RARB: variants seen among roughly 807,000 people sequenced by gnomAD.
RARB encodes the protein retinoic acid receptor beta.
In RARB, 17 loss-of-function variants were observed where a neutral mutation model predicts 51.9. The ratio of observed to expected loss-of-function variants is 0.33; its 90% CI spans 0.22 to 0.49. The LOEUF (loss-of-function observed/expected upper bound fraction) is 0.49, where lower values mean the gene tolerates loss of function less well. Among genes scored for constraint, RARB ranks in the 20% least tolerant of loss-of-function variants. The probability of loss-of-function intolerance (pLI) is 0.99; values close to 1 mark genes in which losing one functional copy is unlikely to be tolerated. For synonymous variants in RARB, 215 were observed against 195.4 expected (o/e 1.10, Z -0.84); for missense variants, 369 against 550.8 (o/e 0.67, Z 3.30).
intron 3 of RARB, among the ~76,000 whole-genome samples, chr3:25,073,022 T>A (rs1050535160): frequency 3.3e-5 from 5 of 152,100 alleles, no homozygotes; most frequent in Non-Finnish European, 7.4e-5. Context: ...TACACTGACC[T>A]TTTTTTCCTG....
chr3:25,091,663 G>A (rs368306535), intron 3 of RARB, among the ~76,000 whole-genome samples: 3 of 152,086 alleles, frequency 2.0e-5, no homozygotes, highest in African/African-American at 7.2e-5. Flanking sequence ...TGTGGAGTGG[G>A]CATTAAAAGG....
intron 2 of RARB, among the ~76,000 whole-genome samples, chr3:24,922,137 C>A (rs567340087): frequency 6.6e-6 from 1 of 152,192 alleles, no homozygotes; most frequent in Admixed American, 6.5e-5. Context: ...GAAAGCACTT[C>A]TAGTGTCAAG....
intron 5 of RARB, among the ~76,000 whole-genome samples, chr3:25,358,252 G>A (rs1705812982): frequency 6.6e-6 from 1 of 152,088 alleles, no homozygotes; most frequent in African/African-American, 2.4e-5. Context: ...ATTATGAATG[G>A]GACTTTGCTC....
chr3:25,204,154 T>A (rs532949967), intron 5 of RARB, among the ~76,000 whole-genome samples: 1 of 152,324 alleles, frequency 6.6e-6, no homozygotes, highest in African/African-American at 2.4e-5. Context: ...CTCTAACTTC[T>A]CTTCTTGCTT....
At chr3:24,898,350 A>T (rs1458610354) in intron 2 of RARB, among the ~76,000 whole-genome samples, 1 of 150,034 alleles carries the variant, frequency 6.7e-6, no homozygotes, top group African/African-American at 2.4e-5. Context: ...ATTATATAAT[A>T]AATAGGAATA....
chr3:24,861,451 T>G (rs13064710), intron 2 of RARB, among the ~76,000 whole-genome samples: 46,732 of 151,856 alleles, frequency 0.31, 9,144 homozygotes, highest in Admixed American at 0.41. Flanking sequence ...ACTTTCATAT[T>G]CCTAGAAAAA....
intron 5 of RARB, among the ~76,000 whole-genome samples, chr3:25,338,660 G>C (rs1303805061): frequency 6.6e-6 from 1 of 152,152 alleles, no homozygotes; most frequent in Non-Finnish European, 1.5e-5. Flanking sequence ...GTGGGTTTCT[G>C]GAAGACTCAG....
At chr3:24,935,940 G>A (rs1465409002) in intron 2 of RARB, among the ~76,000 whole-genome samples, 1 of 152,088 alleles carries the variant, frequency 6.6e-6, no homozygotes, top group African/African-American at 2.4e-5. Context: ...CACAGAGTAG[G>A]TAAATTTTGT....
intron 5 of RARB, among the ~76,000 whole-genome samples, chr3:25,388,780 A>G (rs1397993205): frequency 6.6e-6 from 1 of 152,188 alleles, no homozygotes; most frequent in African/African-American, 2.4e-5. Flanking sequence ...GGTGTTGTAA[A>G]TGTTCACAAG....
chr3:25,235,627 G>A (rs945127164), intron 5 of RARB, among the ~76,000 whole-genome samples: 1 of 152,140 alleles, frequency 6.6e-6, no homozygotes. Flanking sequence ...AAATAAGCAA[G>A]TCTGCTGTTT....
At chr3:25,198,031 G>A (rs1372391877) in intron 5 of RARB, among the ~76,000 whole-genome samples, 3 of 150,936 alleles carry the variant, frequency 2.0e-5, no homozygotes, top group Admixed American at 6.6e-5. Context: ...GACTTCAAAT[G>A]TACTACAGTA....
chr3:25,473,067 G>A (rs1050135893), intron 2 of RARB, among the ~76,000 whole-genome samples: 2 of 152,088 alleles, frequency 1.3e-5, no homozygotes, highest in African/African-American at 4.8e-5. Context: ...CCAGCACAAC[G>A]CAATGCTTAT....
rs60901434 is a variant in RARB at position 25,264,364 on chromosome 3, A to AT, written c.178+89798dup. ...ATAGACATGATGGGCAAGATCTACT[A>AT]TTTTTTTTTATATAAGGCAAAGGCT... On this transcript the variant is annotated intron_variant, in intron 5 of 11. Transcript: ENST00000383772. Among the ~76,000 whole-genome samples the AT allele has an allele frequency of 5.9e-3, 894 of 151,390 alleles. 3 individuals are homozygous for AT. The highest frequency in any genetic ancestry group is 0.012 in the African/African-American group (476 of 41,352).
intron 2 of RARB, among the ~76,000 whole-genome samples, chr3:24,968,605 A>G (rs985191492): frequency 2.6e-4 from 40 of 152,084 alleles, no homozygotes; most frequent in African/African-American, 9.7e-4. Context: ...TCTCACTCAC[A>G]TATCTGGTGG....
chr3:25,358,311 G>A (rs1469228081), intron 5 of RARB, among the ~76,000 whole-genome samples: 1 of 152,174 alleles, frequency 6.6e-6, no homozygotes, highest in East Asian at 1.9e-4. Context: ...GAGTACTAGT[G>A]ATTTTTGCAC....
At chr3:25,298,563 T>C (rs1703969781) in intron 5 of RARB, among the ~76,000 whole-genome samples, 1 of 151,970 alleles carries the variant, frequency 6.6e-6, no homozygotes, top group Non-Finnish European at 1.5e-5. Context: ...AGGATGGTGA[T>C]TTGCATAGTG....
chr3:25,107,324 A>T (rs1354096112), intron 3 of RARB, among the ~76,000 whole-genome samples: 1 of 152,206 alleles, frequency 6.6e-6, no homozygotes, highest in Non-Finnish European at 1.5e-5. Context: ...GTACTACAGA[A>T]CATCTAGACT....
intron 1 of RARB, among the ~76,000 whole-genome samples, chr3:25,448,239 A>G (rs1337679731): frequency 1.3e-5 from 2 of 152,146 alleles, no homozygotes; most frequent in Admixed American, 6.5e-5. Flanking sequence ...ATATCAAAAA[A>G]AGACCTGAAC....
rs547751531 is a variant in RARB at position 25,257,364 on chromosome 3, C to T, written c.178+82789C>T. ...AATTGCAAACAGCCTTGCAGAAAAA[C>T]ACGTATGAACAGGGCATTTAGCCTA... On this transcript the variant is annotated intron_variant, in intron 5 of 11. Transcript: ENST00000383772. Among the ~76,000 whole-genome samples the T allele has an allele frequency of 3.3e-5, 5 of 152,112 alleles. No homozygotes were observed. In the East Asian group the frequency reaches 7.8e-4, roughly 24 times the overall value.
Sources: allele counts gnomAD v4.1 joint callset (sites outside exome capture counted in the v4.1 genomes callset), GRCh38; gene constraint gnomAD v4.1.1; transcripts MANE v1.5; gene names NCBI Gene and HGNC (gene_info 2026-07-23, HGNC 2026-07-21).